The following CACNA2D3 variants were observed in gnomAD, a reference collection of about 807,000 sequenced individuals.
CACNA2D3 encodes voltage-dependent calcium channel subunit alpha-2/delta-3.
Under a neutral mutation model 160.6 loss-of-function variants are expected in CACNA2D3, and 60 were observed. That is an observed-to-expected ratio of 0.37 (90% CI 0.30 to 0.46). CACNA2D3 has a LOEUF of 0.46. CACNA2D3 is among the 20% of genes least tolerant of loss of function. CACNA2D3 has a pLI of 1.00. For synonymous variants in CACNA2D3, 558 were observed against 492.9 expected, an observed-to-expected ratio of 1.13 and a Z score of -1.75; for missense variants, 1,205 against 1,365.0, an observed-to-expected ratio of 0.88 and a Z score of 1.85.
At chr3:54,274,120 TTCCTTAAAAAAA>T (rs1702682655) in intron 2 of CACNA2D3, among the ~76,000 whole-genome samples, 1 of 152,002 alleles carries the variant, frequency 6.6e-6, no homozygotes, top group Non-Finnish European at 1.5e-5. Context: ...ATTTACCCCA[TTCCTTAAAAAAA>T]TCTGCTGTAA....
chr3:54,916,165 G>T (rs1291931882), intron 27 of CACNA2D3, among the ~76,000 whole-genome samples: 1 of 152,264 alleles, frequency 6.6e-6, no homozygotes, highest in East Asian at 1.9e-4. Flanking sequence ...CATGGGGTGG[G>T]TGTCAGGATT....
chr3:54,198,923 G>A (rs758153780), intron 2 of CACNA2D3, among the ~76,000 whole-genome samples: 3 of 152,238 alleles, frequency 2.0e-5, no homozygotes, highest in Admixed American at 2.0e-4. Flanking sequence ...GCTCCTTAAC[G>A]TTTGTTGTGG....
intron 12 of CACNA2D3, among the ~76,000 whole-genome samples, chr3:54,763,996 A>G (rs1367790245): frequency 6.6e-6 from 1 of 150,628 alleles, no homozygotes; most frequent in African/African-American, 2.4e-5. Context: ...TAATTTTATT[A>G]CATTTGCTTG....
In CACNA2D3 at chr3:55,071,778, C is replaced by T. The variant is rs1704816799; in HGVS notation, c.2988-1667C>T. Among the ~76,000 whole-genome samples the T allele has an allele frequency of 2.0e-5, 3 of 152,106 alleles. 1 individual carries two copies. In the South Asian group the frequency reaches 6.2e-4, roughly 32 times the overall value. On this transcript the variant is annotated intron_variant, in intron 35 of 37. Transcript: ENST00000474759. ...ATTTTCTCCTTTGGATCTTTTATGT[C>T]ATATTTTCATCTCTTCTCCTTTATT...
At chr3:54,871,281 A>C (rs552787659) in intron 17 of CACNA2D3, among the ~76,000 whole-genome samples, 13 of 152,164 alleles carry the variant, frequency 8.5e-5, no homozygotes, top group Middle Eastern at 3.4e-3. Context: ...GGAAACCAAG[A>C]AGTCTACAAG....
At chr3:54,189,937 C>T (rs1430771566) in intron 2 of CACNA2D3, among the ~76,000 whole-genome samples, 1 of 152,158 alleles carries the variant, frequency 6.6e-6, no homozygotes, top group South Asian at 2.1e-4. Context: ...GCTGTTTGCC[C>T]AGTTGTCTTA....
chr3:54,819,151 C>T (rs1703528575), intron 14 of CACNA2D3, among the ~76,000 whole-genome samples: 1 of 151,644 alleles, frequency 6.6e-6, no homozygotes. Flanking sequence ...CTTAGATTTA[C>T]TGTCTTGCTG....
At chr3:54,738,908 T>C (rs1219138436) in intron 11 of CACNA2D3, among the ~76,000 whole-genome samples, 4 of 152,138 alleles carry the variant, frequency 2.6e-5, no homozygotes, top group Admixed American at 1.3e-4. Context: ...TCCCAATACT[T>C]TGGGCGGCCG....
intron 35 of CACNA2D3, among the ~76,000 whole-genome samples, chr3:55,033,884 AT>A (rs1703756307): frequency 8.0e-6 from 1 of 124,232 alleles, no homozygotes; most frequent in Non-Finnish European, 1.7e-5. Context: ...TATATTACAT[AT>A]TAAGTATATT....
chr3:54,347,814 C>G (rs1051765280), intron 3 of CACNA2D3, among the ~76,000 whole-genome samples: 1 of 152,090 alleles, frequency 6.6e-6, no homozygotes, highest in Non-Finnish European at 1.5e-5. Flanking sequence ...ACCCACCGTG[C>G]CTGTATAAAT....
In CACNA2D3 at chr3:54,204,372, TC is replaced by T. The variant is rs1020049416; in HGVS notation, c.204+80780del. Among the ~76,000 whole-genome samples, 50 of 130,728 alleles carry T rather than the reference TC, an allele frequency of 3.8e-4. 1 individual carries two copies. The East Asian group carries it at 8.6e-3, about 22-fold the overall frequency. 85.8% of individuals were successfully genotyped at this position (130,728 alleles called of 152,430 possible). Reference sequence around the variant, plus strand: ...TATGTATATGGCTCTGTTTCTGTTTTCCGGAGAACCTTGGCTAATATAAGTG... The same window carrying T: ...TATGTATATGGCTCTGTTTCTGTTTTCGGAGAACCTTGGCTAATATAAGTG... On this transcript the variant is annotated intron_variant, in intron 2 of 37. Coordinates refer to ENST00000474759, the MANE Select transcript of CACNA2D3 (RefSeq NM_018398.3).
intron 4 of CACNA2D3, among the ~76,000 whole-genome samples, chr3:54,450,339 C>T (rs1320221942): frequency 1.3e-5 from 2 of 152,180 alleles, no homozygotes; most frequent in African/African-American, 4.8e-5. Context: ...CATATCCTTC[C>T]TATGTGCAAA....
chr3:55,047,959 A>T (rs1324330030), intron 35 of CACNA2D3, among the ~76,000 whole-genome samples: 1 of 148,002 alleles, frequency 6.8e-6, no homozygotes, highest in Admixed American at 6.7e-5. Context: ...TTGTATCCTG[A>T]GACTTTGCTG....
In CACNA2D3 at chr3:54,386,755, A is replaced by C. The variant is rs758476504; in HGVS notation, c.362A>C (p.Glu121Ala). The C allele has an allele frequency of 1.1e-4, 176 of 1,590,658 alleles. 1 individual carries two copies. The highest frequency in any genetic ancestry group is 3.3e-4 in the Admixed American group (19 of 57,344). ...GCAGAAGAAGCACACCTGAAACATG[A>C]ATTTGATGCAGACTTACAGGTAACT... ...EAAEEAHLKH[E>A]FDADLQYEYF... The change falls in exon 4 of 38, where the codon GAA becomes GCA. Residue 121 changes from glutamate (E) to alanine (A), a missense_variant. Transcript: ENST00000474759.
In CACNA2D3 at chr3:54,413,164, T is replaced by A. The variant is rs181574096; in HGVS notation, c.381+26390T>A. ...AAGGATAATTTTGCTGGAAATAGAA[T>A]TGTGAATTGACAGCTAATTCTTTTT... On this transcript the variant is annotated intron_variant, in intron 4 of 37. Coordinates refer to ENST00000474759, the MANE Select transcript of CACNA2D3 (RefSeq NM_018398.3). Among the ~76,000 whole-genome samples the A allele has an allele frequency of 2.9e-3, 433 of 151,830 alleles. 2 individuals are homozygous for A. The highest frequency in any genetic ancestry group is 0.01 in the African/African-American group (422 of 41,542).
At chr3:54,953,238 T>C (rs1701801670) in intron 27 of CACNA2D3, among the ~76,000 whole-genome samples, 1 of 152,166 alleles carries the variant, frequency 6.6e-6, no homozygotes, top group African/African-American at 2.4e-5. Context: ...CTGTTCCCAT[T>C]GTGCAAATGA....
chr3:54,169,685 ATGTGTGTGCATG>A (rs1196367747), intron 2 of CACNA2D3, among the ~76,000 whole-genome samples: 2 of 129,564 alleles, frequency 1.5e-5, no homozygotes, highest in East Asian at 6.9e-4. Flanking sequence ...ATGTGTGTGT[ATGTGTGTGCATG>A]TGTGTGTGCA....
intron 11 of CACNA2D3, among the ~76,000 whole-genome samples, chr3:54,677,698 T>C (rs1196846203): frequency 6.6e-6 from 1 of 151,826 alleles, no homozygotes; most frequent in African/African-American, 2.4e-5. Flanking sequence ...TATCATGAAA[T>C]ATTACTATCT....
intron 2 of CACNA2D3, among the ~76,000 whole-genome samples, chr3:54,225,983 G>A (rs1200683157): frequency 1.3e-5 from 2 of 152,044 alleles, no homozygotes; most frequent in Non-Finnish European, 2.9e-5. Flanking sequence ...CAGGAGCCTG[G>A]GTGTCAGTCT....
Sources: gnomAD v4.1 joint callset for allele counts (sites outside exome capture counted in the v4.1 genomes callset) on GRCh38, gnomAD v4.1.1 for gene constraint, MANE v1.5 for transcripts, NCBI Gene and HGNC (gene_info 2026-07-23, HGNC 2026-07-21) for gene names.